C1GALT1: variants seen among roughly 807,000 people sequenced by gnomAD.
C1GALT1 encodes glycoprotein-N-acetylgalactosamine 3-beta-galactosyltransferase 1.
Under a neutral mutation model 31.0 loss-of-function variants are expected in C1GALT1, and 11 were observed. That is an observed-to-expected ratio of 0.36 (90% CI 0.22 to 0.59). The LOEUF is 0.59. Among genes scored for constraint, C1GALT1 ranks in the 20% least tolerant of loss-of-function variants. The pLI, the probability that C1GALT1 is intolerant of heterozygous loss-of-function variation, is 0.79. For synonymous variants in C1GALT1, 175 were observed against 143.6 expected (o/e 1.22, Z -1.56); for missense variants, 424 against 425.2 (o/e 1.00, Z 0.03).
chr7:7,230,020 T>G (rs1249114058), intron 1 of C1GALT1, among the ~76,000 whole-genome samples: 1 of 152,192 alleles, frequency 6.6e-6, no homozygotes, highest in East Asian at 1.9e-4. Context: ...CAGCTTTGCT[T>G]ATACTGTGCT....
At chr7:7,223,421 C>A (rs1237601552) in intron 1 of C1GALT1, among the ~76,000 whole-genome samples, 1 of 152,136 alleles carries the variant, frequency 6.6e-6, no homozygotes, top group African/African-American at 2.4e-5. Flanking sequence ...CCTCAGCCTC[C>A]GAAAGTGCTA....
At chr7:7,234,773 G>A in intron 2 of C1GALT1, 1 of 369,984 alleles carries the variant, frequency 2.7e-6, no homozygotes, top group Non-Finnish European at 4.9e-6. Context: ...ATTTGGGGAA[G>A]GGCATAACTA....
intron 1 of C1GALT1, among the ~76,000 whole-genome samples, chr7:7,224,392 A>G (rs1238214772): frequency 6.6e-6 from 1 of 152,006 alleles, no homozygotes; most frequent in Non-Finnish European, 1.5e-5. Flanking sequence ...TTAAAACATT[A>G]AAAAATAATT....
Position 7,243,817 on chromosome 7 carries a change from G to T in C1GALT1, c.*90G>T, listed in dbSNP as rs867576111. 2 of 952,782 alleles carry T rather than the reference G, an allele frequency of 2.1e-6. No individual in the cohort carries two copies. Among genetic ancestry groups the T allele is most frequent in the South Asian group, 3.5e-5 (2 of 57,160 alleles). The allele number at this position is 952,782 out of a possible 1,614,324, so 59.0% of individuals were successfully genotyped here. A position where few individuals can be genotyped will look rare whatever the true frequency, so the allele number is the denominator to read the frequency against. ...TCTGACATAGAACACTGGAATCCCA[G>T]TGAGGAATTCTAAGTGAACATTCCT... On this transcript the variant is annotated 3_prime_UTR_variant, in exon 4 of 4. Transcript: ENST00000436587.
chr7:7,162,431 C>T (rs1278538983), intron 2 of C1GALT1, among the ~76,000 whole-genome samples: 1 of 151,576 alleles, frequency 6.6e-6, no homozygotes, highest in Non-Finnish European at 1.5e-5. Context: ...CATGTCCCTA[C>T]AAAGGACATG....
intron 2 of C1GALT1, among the ~76,000 whole-genome samples, chr7:7,159,596 A>C (rs1426961268): frequency 6.6e-6 from 1 of 152,094 alleles, no homozygotes; most frequent in East Asian, 1.9e-4. Flanking sequence ...CAGAGGCTCA[A>C]TAGAAACAGG....
At chr7:7,199,890 T>C (rs1485603977) in intron 1 of C1GALT1, among the ~76,000 whole-genome samples, 1 of 152,204 alleles carries the variant, frequency 6.6e-6, no homozygotes, top group Non-Finnish European at 1.5e-5. Flanking sequence ...TTCCATTTGC[T>C]TGTTAGATCT....
intron 2 of C1GALT1, among the ~76,000 whole-genome samples, chr7:7,164,696 A>C (rs918529001): frequency 1.3e-5 from 2 of 152,130 alleles, no homozygotes. Flanking sequence ...AGGTCAGGGA[A>C]GGAAAGCTCT....
chr7:7,180,061 C>G (rs1780553070), upstream of C1GALT1, among the ~76,000 whole-genome samples: 1 of 152,100 alleles, frequency 6.6e-6, no homozygotes, highest in Non-Finnish European at 1.5e-5. Context: ...CAGAGTTCTA[C>G]TAGTAAAGAA....
rs1269159581 is a variant in C1GALT1, at chr7:7,232,580, C to G, written c.-17-1723C>G. Among the ~76,000 whole-genome samples, 3 of 151,488 alleles carry G rather than the reference C, an allele frequency of 2.0e-5. No homozygotes were observed. The East Asian group carries it at 5.8e-4, about 29-fold the overall frequency. ...TGATCTCGGTCCTGCAGTCCTGCCT[C>G]CCAGGTTCTAGTGATTCTTTTGCCT... On this transcript the variant is annotated intron_variant, in intron 1 of 3. Transcript: ENST00000436587.
At chr7:7,197,600 G>C (rs1781350900) in intron 1 of C1GALT1, among the ~76,000 whole-genome samples, 1 of 152,104 alleles carries the variant, frequency 6.6e-6, no homozygotes, top group Non-Finnish European at 1.5e-5. Context: ...TAGCTTGATG[G>C]GGATGGCATT....
intron 1 of C1GALT1, among the ~76,000 whole-genome samples, chr7:7,210,760 A>T (rs1781965266): frequency 6.6e-6 from 1 of 152,170 alleles, no homozygotes. Flanking sequence ...ATGTAGGGCA[A>T]GGGCAAGAAG....
At chr7:7,242,547 C>T (rs1187466541) in intron 3 of C1GALT1, among the ~76,000 whole-genome samples, 4 of 152,022 alleles carry the variant, frequency 2.6e-5, no homozygotes, top group African/African-American at 9.7e-5. Context: ...GCCAGACTAT[C>T]TCCCTCATTC....
At chr7:7,189,968 A>G (rs1780987929) in intron 1 of C1GALT1, among the ~76,000 whole-genome samples, 1 of 152,056 alleles carries the variant, frequency 6.6e-6, no homozygotes, top group Non-Finnish European at 1.5e-5. Flanking sequence ...TTTATTATGT[A>G]TTAAATTTCC....
chr7:7,199,811 T>C (rs1012952248), intron 1 of C1GALT1, among the ~76,000 whole-genome samples: 23 of 152,244 alleles, frequency 1.5e-4, no homozygotes, highest in Non-Finnish European at 3.1e-4. Flanking sequence ...TCTTTGTCTC[T>C]TTTGATCTTT....
intron 1 of C1GALT1, among the ~76,000 whole-genome samples, chr7:7,198,525 G>A (rs980724049): frequency 3.3e-5 from 5 of 152,138 alleles, no homozygotes; most frequent in Admixed American, 1.3e-4. Context: ...CTAGGCTTTG[G>A]TATCAGGATG....
intron 2 of C1GALT1, among the ~76,000 whole-genome samples, chr7:7,164,721 T>C (rs1447876118): frequency 6.6e-6 from 1 of 152,120 alleles, no homozygotes; most frequent in Admixed American, 6.5e-5. Flanking sequence ...TTAATACCCC[T>C]ATGTTGATCA....
At chr7:7,218,090 G>T (rs1176485484) in intron 1 of C1GALT1, among the ~76,000 whole-genome samples, 3 of 152,194 alleles carry the variant, frequency 2.0e-5, no homozygotes, top group Non-Finnish European at 4.4e-5. Context: ...TAGTTTGGCC[G>T]TGGGAGTTAG....
chr7:7,177,620 T>C (rs1780518902), upstream of C1GALT1, among the ~76,000 whole-genome samples: 2 of 152,184 alleles, frequency 1.3e-5, no homozygotes, highest in Admixed American at 6.5e-5. Context: ...AGACCTGACA[T>C]ATAAGCTACC....
Sources: gnomAD v4.1 joint callset for allele counts (sites outside exome capture counted in the v4.1 genomes callset) on GRCh38, gnomAD v4.1.1 for gene constraint, MANE v1.5 for transcripts, NCBI Gene and HGNC (gene_info 2026-07-23, HGNC 2026-07-21) for gene names.